SRRT: variants seen among roughly 807,000 people sequenced by gnomAD.
SRRT encodes serrate, RNA effector molecule.
A neutral mutation model predicts 103.2 loss-of-function variants in SRRT; 32 were observed. That is an observed-to-expected ratio of 0.31 (90% CI 0.23 to 0.42). SRRT has a LOEUF of 0.42. SRRT is among the 10% of genes least tolerant of loss of function. SRRT has a pLI of 1.00. For synonymous variants in SRRT, 525 were observed against 449.0 expected, an observed-to-expected ratio of 1.17 and a Z score of -2.14; for missense variants, 986 against 1,207.5, an observed-to-expected ratio of 0.82 and a Z score of 2.72.
In SRRT at chr7:100,885,793, T is replaced by C. The variant is rs571807892; in HGVS notation, c.1379+31T>C. On this transcript the variant is annotated intron_variant, in intron 11 of 19. Transcript: ENST00000611405. This position sits in a 1 kb window ranked among gnomAD's most constrained non-coding sequence, Gnocchi z 4.8. ...TAACTCGGTGCGTTGGAGGGAAAAG[T>C]GCAGGGGAACGTTAATGGCCAACAC... 4.5e-5 allele frequency: 72 copies of C among 1,613,796 alleles called. 2 individuals are homozygous for C. In the South Asian group the frequency reaches 7.6e-4, roughly 17 times the overall value.
intron 2 of SRRT, among the ~76,000 whole-genome samples, chr7:100,880,469 ATTTT>A (rs994337087): frequency 6.6e-6 from 1 of 150,944 alleles, no homozygotes; most frequent in Non-Finnish European, 1.5e-5. Flanking sequence ...CGCCTGGCTA[ATTTT>A]TTTTTGTATT....
intron 2 of SRRT, among the ~76,000 whole-genome samples, chr7:100,876,674 T>C (rs893645692): frequency 3.3e-5 from 5 of 152,210 alleles, no homozygotes; most frequent in African/African-American, 1.2e-4. Context: ...GATGTGGTTA[T>C]TGACCTTAGG....
rs778011424 is a variant in SRRT at position 100,882,166 on chromosome 7, G to A, written c.512G>A (p.Arg171His). 6 of 1,614,152 alleles carry A rather than the reference G, an allele frequency of 3.7e-6. No individual in the cohort carries two copies. Among genetic ancestry groups the A allele is most frequent in the South Asian group, 2.2e-5 (2 of 91,086 alleles). ...GTGGATGAGACGGAGGCCGTCAAGC[G>A]CTATAATGACTACAAGCTGGATTTC... ...DSVDETEAVK[R>H]YNDYKLDFRR... is the part of the protein sequence containing the mutation. Residue 171 changes from arginine (R) to histidine (H), a missense_variant, in exon 5 of 20, where the codon CGC becomes CAC. Transcript: ENST00000611405. This position sits in a 1 kb window ranked among gnomAD's most constrained non-coding sequence, Gnocchi z 4.2.
At chr7:100,879,835 AGAAGAT>A (rs1298362924) in intron 2 of SRRT, among the ~76,000 whole-genome samples, 3 of 151,258 alleles carry the variant, frequency 2.0e-5, no homozygotes, top group South Asian at 2.1e-4. Flanking sequence ...AAGAAGAAGA[AGAAGAT>A]GAGGATGGGG....
At position 100,887,967 on chromosome 7, in the gene SRRT, C is replaced by A; in HGVS notation, c.2327-75C>A. Reference sequence around the variant, plus strand: ...GAGAAGTTTCTGCCCCATCCTCAGGCCATAGCCCTAGAAGTCAATTGTACC... The same window carrying A: ...GAGAAGTTTCTGCCCCATCCTCAGGACATAGCCCTAGAAGTCAATTGTACC... On this transcript the variant is annotated intron_variant, in intron 17 of 19. Coordinates refer to ENST00000611405, the MANE Select transcript of SRRT (RefSeq NM_015908.6). This position sits in a 1 kb window ranked among gnomAD's most constrained non-coding sequence, Gnocchi z 4.1. 6.5e-7 allele frequency: 1 copy of A among 1,532,582 alleles called. No homozygotes were observed. The highest frequency in any genetic ancestry group is 1.3e-5 in the South Asian group (1 of 79,206). The allele number at this position is 1,532,582 out of a possible 1,614,324, so 94.9% of individuals were successfully genotyped here.
At chr7:100,879,944 C>T (rs1291770002) in intron 2 of SRRT, among the ~76,000 whole-genome samples, 1 of 152,114 alleles carries the variant, frequency 6.6e-6, no homozygotes, top group African/African-American at 2.4e-5. Flanking sequence ...CAAGTTAAAA[C>T]AATAGTGTTG....
Position 100,887,335 on chromosome 7 carries a change from A to C in SRRT, c.1991A>C (p.Lys664Thr). The C allele has an allele frequency of 6.2e-7, 1 of 1,614,006 alleles. No individual in the cohort carries two copies. The highest frequency in any genetic ancestry group is 8.5e-7 in the Non-Finnish European group (1 of 1,179,926). The change falls in exon 16 of 20, where the codon AAG (lysine) becomes ACG (threonine). Residue 664 changes from lysine to threonine, a missense_variant. Physicochemically the swap from Lys to Thr is moderately conservative, Grantham distance 78 (BLOSUM62 -1). Coordinates refer to ENST00000611405, the MANE Select transcript of SRRT (RefSeq NM_015908.6). This position sits in a 1 kb window ranked among gnomAD's most constrained non-coding sequence, Gnocchi z 4.1. ...ISHGEVLEWQ[K>T]TFEEKLTPLL... Reference sequence around the variant, plus strand: ...CAAACCACAGTGCTGGAGTGGCAGAAGACTTTTGAGGAGAAGCTCACGCCG... The same window carrying C: ...CAAACCACAGTGCTGGAGTGGCAGACGACTTTTGAGGAGAAGCTCACGCCG...
chr7:100,880,585 G>T, intron 2 of SRRT: 4 of 282,508 alleles, frequency 1.4e-5, no homozygotes, highest in South Asian at 1.0e-4. Flanking sequence ...GATTACAGGC[G>T]TGAGCCACCG....
rs909044284 is a variant in SRRT at position 100,875,251 on chromosome 7, C to T, written c.-96C>T. ...TCCGTCTCGCCCTCCTCGAAGTCCTCGTCGCGCGCCCGCGACCCAGGTCGC... is the reference window on the plus strand; with the variant it reads ...TCCGTCTCGCCCTCCTCGAAGTCCTTGTCGCGCGCCCGCGACCCAGGTCGC... On this transcript the variant is annotated 5_prime_UTR_variant, in exon 1 of 20. Coordinates refer to ENST00000611405, the MANE Select transcript of SRRT (RefSeq NM_015908.6). 1 of 447,568 alleles carries T rather than the reference C, an allele frequency of 2.2e-6. No individual in the cohort carries two copies. Among genetic ancestry groups the T allele is most frequent in the Non-Finnish European group, 3.4e-6 (1 of 295,930 alleles). The allele number at this position is 447,568 out of a possible 1,614,324, so 27.7% of individuals were successfully genotyped here.
At chr7:100,881,599 C>G in intron 3 of SRRT, 60 bp from the exon 4 acceptor site, 1 of 1,608,266 alleles carries the variant, frequency 6.2e-7, no homozygotes, top group Non-Finnish European at 8.5e-7. Flanking sequence ...TCTGTCCATC[C>G]TCCATGCTCT....
intron 4 of SRRT, 100 bp from the exon 5 acceptor site, chr7:100,881,953 G>T: frequency 1.3e-6 from 2 of 1,489,054 alleles, no homozygotes; most frequent in Non-Finnish European, 1.8e-6. Context: ...TTGGGGTGAT[G>T]TCCATGGTGG....
intron 2 of SRRT, 48 bp downstream of exon 2, chr7:100,875,760 TCCA>T: frequency 6.2e-7 from 1 of 1,605,460 alleles, no homozygotes; most frequent in South Asian, 1.1e-5. Flanking sequence ...GCCGTTTCAC[TCCA>T]CCCGCGTCGC....
At position 100,887,904 on chromosome 7, in the gene SRRT, T is replaced by C. The variant is rs987289009; in HGVS notation, c.2326+45T>C. ...GGTCGCATGTGCCCTCTTCCTTGAC[T>C]ACCCAGGGACTCCTGTTTCTCTTTA... On this transcript the variant is annotated intron_variant, in intron 17 of 19. Transcript: ENST00000611405. The surrounding 1 kb of genome is among the most constrained non-coding windows in gnomAD (Gnocchi z 4.1). The C allele has an allele frequency of 6.3e-7, 1 of 1,576,704 alleles. No homozygotes were observed. The highest frequency in any genetic ancestry group is 8.6e-7 in the Non-Finnish European group (1 of 1,156,204).
In SRRT at chr7:100,883,616, C is replaced by T. The variant is rs554195847; in HGVS notation, c.588-454C>T. Reference sequence around the variant, plus strand: ...CTATCTGGCCCTCTGTCTTCCACCTCGGGGTGGAGGGAGTTGGCGGGAGCA... The same window carrying T: ...CTATCTGGCCCTCTGTCTTCCACCTTGGGGTGGAGGGAGTTGGCGGGAGCA... On this transcript the variant is annotated intron_variant, in intron 5 of 19. Coordinates refer to ENST00000611405, the MANE Select transcript of SRRT (RefSeq NM_015908.6). Among the ~76,000 whole-genome samples the T allele has an allele frequency of 4.1e-4, 62 of 152,272 alleles. 2 individuals carry two copies. Among genetic ancestry groups the T allele is most frequent in the Admixed American group, 4.0e-3 (61 of 15,294 alleles).
At position 100,886,427 on chromosome 7, in the gene SRRT, C is replaced by A; in HGVS notation, c.1639C>A (p.Leu547Met). The A allele has an allele frequency of 3.1e-6, 5 of 1,611,726 alleles. No homozygotes were observed. The highest frequency in any genetic ancestry group is 4.2e-6 in the Non-Finnish European group (5 of 1,179,464). The change falls in exon 13 of 20, where the codon CTG becomes ATG. Residue 547 changes from leucine to methionine, a missense_variant. This residue lies in a region of SRRT where 349 missense variants were observed against 446.9 expected (regional missense o/e 0.78). Transcript: ENST00000611405. ...GGCCTCAGAACCAGGGACGCCTCCC[C>A]TGCCCACGGTCAGTGACTCCCCAAA... ...LWASEPGTPP[L>M]PTSLPSQNPI...
intron 2 of SRRT, chr7:100,876,026 C>T (rs1815661119): frequency 6.4e-6 from 2 of 313,096 alleles, no homozygotes; most frequent in South Asian, 2.8e-5. Flanking sequence ...TTCTGCTGCC[C>T]TGGCTGGAGT....
chr7:100,884,022 T>C (rs1462878819), intron 5 of SRRT, 48 bp from the exon 6 acceptor site: 1 of 1,520,676 alleles, frequency 6.6e-7, no homozygotes, highest in Non-Finnish European at 8.8e-7. Context: ...ATCCTGGCCT[T>C]GGCTTCCAAT....
chr7:100,888,132 T>C lies in SRRT; in HGVS notation c.2417T>C (p.Leu806Ser), dbSNP rs1790346614. ...MPYGQPRPPI[L>S]GYGAGAVRPA... ...TATGGTCAGCCCCGGCCCCCGATCT[T>C]GGGCTATGGAGGTAAGTACAGGAGG... Residue 806 changes from leucine (L) to serine (S), a missense_variant, in exon 18 of 20, where the codon TTG becomes TCG. By Grantham distance (145) the Leu-to-Ser change is moderately radical. Coordinates refer to ENST00000611405, the MANE Select transcript of SRRT (RefSeq NM_015908.6). 3 of 1,610,560 alleles carry C rather than the reference T, an allele frequency of 1.9e-6. No homozygotes were observed. The highest frequency in any genetic ancestry group is 2.5e-6 in the Non-Finnish European group (3 of 1,178,324).
In SRRT at chr7:100,884,189, T is replaced by A; in HGVS notation, c.707T>A (p.Leu236His). The change falls in exon 6 of 20, where the codon CTT becomes CAT. Residue 236 changes from leucine to histidine, a missense_variant. This residue lies in a region of SRRT where 274 missense variants were observed against 358.5 expected (regional missense o/e 0.76). Transcript: ENST00000611405. ...SLMETGWFDN[L>H]LLDIDKADAI... ...ATGGAGACTGGCTGGTTTGATAACCTTCTCCTGGACATAGACAAAGCTGAT... is the reference window on the plus strand; with the variant it reads ...ATGGAGACTGGCTGGTTTGATAACCATCTCCTGGACATAGACAAAGCTGAT... 1 of 1,614,150 alleles carries A rather than the reference T, an allele frequency of 6.2e-7. No homozygotes were observed. The highest frequency in any genetic ancestry group is 2.2e-5 in the East Asian group (1 of 44,862).
Sources: allele counts gnomAD v4.1 joint callset (sites outside exome capture counted in the v4.1 genomes callset), GRCh38; gene constraint gnomAD v4.1.1; regional missense constraint gnomAD v4.1.1; non-coding constraint Gnocchi (gnomAD v3.1); transcripts MANE v1.5; gene names NCBI Gene and HGNC (gene_info 2026-07-23, HGNC 2026-07-21).